Variants in CEP164 observed in about 807,000 individuals in gnomAD.
CEP164 encodes centrosomal protein 164, also known as centrosomal protein of 164 kDa.
In CEP164, 162 loss-of-function variants were observed where a neutral mutation model predicts 182.7. That is an observed-to-expected ratio of 0.89 (90% CI 0.78 to 1.01). The LOEUF (loss-of-function observed/expected upper bound fraction) is 1.01. Ranked by LOEUF, CEP164 falls within the 50% of genes least tolerant of loss-of-function variation. The pLI is 0.00. For missense variants in CEP164, 1,735 were observed against 1,790.4 expected (o/e 0.97, Z 0.56); for synonymous variants, 661 against 690.0 (o/e 0.96, Z 0.66).
intron 5 of CEP164, among the ~76,000 whole-genome samples, chr11:117,358,948 C>CTTT (rs61487104): frequency 2.1e-5 from 3 of 142,902 alleles, no homozygotes; most frequent in African/African-American, 7.7e-5. Context: ...GGGCAGGGTT[C>CTTT]TTTTTTTTTT....
rs34284352 is a variant in CEP164 at position 117,322,757 on chromosome 11, A to AT, written c.-98+8055dup. Among the ~76,000 whole-genome samples, 164 of 47,764 alleles carry AT rather than the reference A, an allele frequency of 3.4e-3. 4 individuals carry two copies. The highest frequency in any genetic ancestry group is 3.9e-3 in the Non-Finnish European group (121 of 30,854). The allele number at this position is 47,764 out of a possible 152,430, so 31.3% of individuals were successfully genotyped here. ...TATATATATATATGTATATAGATAG[A>AT]TTTTTTTTTTTTTTTTTTTTTTTTT... On this transcript the variant is annotated intron_variant, in intron 1 of 4. Transcript: ENST00000525734.
intron 27 of CEP164, 116 bp downstream of exon 27, chr11:117,397,429 C>A: frequency 2.2e-6 from 2 of 903,898 alleles, no homozygotes; most frequent in Non-Finnish European, 3.3e-6. Flanking sequence ...ATGAGAGTGG[C>A]CACCTTGGCC....
At chr11:117,365,755 T>A (rs1282585249) in intron 8 of CEP164, among the ~76,000 whole-genome samples, 1 of 152,070 alleles carries the variant, frequency 6.6e-6, no homozygotes, top group Non-Finnish European at 1.5e-5. Flanking sequence ...AATTTTTGTA[T>A]TTTTAGTAGA....
At chr11:117,392,809 C>G (rs1219808415) in intron 19 of CEP164, among the ~76,000 whole-genome samples, 182 bp downstream of exon 19, 1 of 152,124 alleles carries the variant, frequency 6.6e-6, no homozygotes, top group Non-Finnish European at 1.5e-5. Context: ...CAATCTGATG[C>G]CCCTGTATGC....
intron 26 of CEP164, 110 bp from the exon 27 acceptor site, chr11:117,396,981 A>T: frequency 1.0e-6 from 1 of 975,228 alleles, no homozygotes; most frequent in Non-Finnish European, 1.5e-6. Context: ...GCCCTAGCCC[A>T]GCAGCTCTGG....
chr11:117,355,214 C>T (rs2040175314), intron 5 of CEP164: 1 of 1,289,764 alleles, frequency 7.8e-7, no homozygotes, highest in Non-Finnish European at 1.0e-6. Flanking sequence ...GGCCCCAGCC[C>T]AATGCAGGAG....
intron 5 of CEP164, among the ~76,000 whole-genome samples, chr11:117,353,612 A>G (rs2039940567): frequency 6.6e-6 from 1 of 152,170 alleles, no homozygotes; most frequent in African/African-American, 2.4e-5. Context: ...CCGTGGTTTC[A>G]GGAAATGAAG....
At chr11:117,334,202 C>G (rs555782954) in intron 1 of CEP164, among the ~76,000 whole-genome samples, 1 of 152,156 alleles carries the variant, frequency 6.6e-6, no homozygotes, top group African/African-American at 2.4e-5. Context: ...AATAAATGCA[C>G]GTGGTAGGTG....
intron 5 of CEP164, chr11:117,356,631 T>C (rs2040324239): frequency 7.8e-7 from 1 of 1,278,200 alleles, no homozygotes; most frequent in Admixed American, 2.4e-5. Context: ...GGCTTCTTAG[T>C]GAGCATGGCC....
chr11:117,408,281 C>T (rs1208205619), intron 28 of CEP164, among the ~76,000 whole-genome samples: 1 of 152,140 alleles, frequency 6.6e-6, no homozygotes, highest in African/African-American at 2.4e-5. Flanking sequence ...GCTAAAGGTG[C>T]CTGAGAAGAG....
At chr11:117,356,155 C>T (rs1176632560) in intron 5 of CEP164, 1 of 1,044,810 alleles carries the variant, frequency 9.6e-7, no homozygotes, top group Non-Finnish European at 1.2e-6. Context: ...ATCAACACTT[C>T]AGCCCCTTCT....
chr11:117,333,786 T>C (rs771622093), intron 1 of CEP164, among the ~76,000 whole-genome samples: 1 of 152,122 alleles, frequency 6.6e-6, no homozygotes, highest in Admixed American at 6.5e-5. Context: ...TCCTCCTGCT[T>C]TGGCCTCCCA....
chr11:117,340,522 G>GT (rs1237697355), intron 3 of CEP164, among the ~76,000 whole-genome samples: 15 of 151,804 alleles, frequency 9.9e-5, no homozygotes, highest in Admixed American at 1.3e-4. Context: ...ATAGCATAGG[G>GT]TGTTTTTTTT....
At chr11:117,332,881 A>G (rs888850498) in intron 1 of CEP164, among the ~76,000 whole-genome samples, 2 of 152,340 alleles carry the variant, frequency 1.3e-5, no homozygotes, top group East Asian at 3.9e-4. Flanking sequence ...GTAGTGAACA[A>G]TGTTGAGGGT....
intron 14 of CEP164, chr11:117,386,208 G>A (rs181752737): frequency 7.9e-5 from 12 of 152,350 alleles, no homozygotes; most frequent in Non-Finnish European, 1.6e-4. Flanking sequence ...ACTTTCCACC[G>A]TAAGATTGAG....
chr11:117,412,012 T>C, intron 32 of CEP164, 60 bp from the exon 33 acceptor site: 1 of 1,611,538 alleles, frequency 6.2e-7, no homozygotes, highest in Non-Finnish European at 8.5e-7. Context: ...CCTTTGACCC[T>C]TTCATGGCCC....
intron 8 of CEP164, among the ~76,000 whole-genome samples, chr11:117,363,759 CTTTTTTTTTTTTT>C (rs72255760): frequency 1.7e-5 from 1 of 58,444 alleles, no homozygotes. Context: ...ACCTCCAATG[CTTTTTTTTTTTTT>C]TTTTTTTTTT....
At chr11:117,336,290 T>C (rs1426179942) in intron 2 of CEP164, 1 of 1,542,218 alleles carries the variant, frequency 6.5e-7, no homozygotes, top group Non-Finnish European at 8.9e-7. Context: ...TTATGAGCTT[T>C]CTTCATTTTA....
At chr11:117,376,807 CAAAG>C (rs1342887602) in intron 11 of CEP164, among the ~76,000 whole-genome samples, 1 of 152,138 alleles carries the variant, frequency 6.6e-6, no homozygotes, top group Non-Finnish European at 1.5e-5. Flanking sequence ...AAGGCACAGT[CAAAG>C]GAAGGTGGGA....
Sources: allele counts gnomAD v4.1 joint callset (sites outside exome capture counted in the v4.1 genomes callset), GRCh38; gene constraint gnomAD v4.1.1; transcripts MANE v1.5; gene names NCBI Gene and HGNC (gene_info 2026-07-23, HGNC 2026-07-21).